LAMC2: variants seen among roughly 807,000 people sequenced by gnomAD.
LAMC2 encodes laminin subunit gamma 2.
LAMC2 carries 97 observed loss-of-function variants against 140.2 expected under a neutral mutation model. The observed-to-expected ratio is 0.69, with a 90% CI of 0.59 to 0.82. The LOEUF is 0.82. Among genes scored for constraint, LAMC2 ranks in the 40% least tolerant of loss-of-function variants. LAMC2 has a pLI of 0.00. For missense variants in LAMC2, 1,402 were observed against 1,476.1 expected (o/e 0.95, Z 0.82); for synonymous variants, 513 against 540.2 (o/e 0.95, Z 0.70).
the LAMC2 span, among the ~76,000 whole-genome samples, chr1:183,257,341 T>C: frequency 2.0e-5 from 3 of 152,012 alleles, no homozygotes; most frequent in African/African-American, 7.2e-5. Flanking sequence ...CTTGGGAGGC[T>C]GAGGCAGGAG....
At position 183,244,305 on chromosome 1, in the gene LAMC2, T is replaced by A. The variant is rs1310757718; in HGVS notation, c.*905T>A. The A allele has an allele frequency of 6.6e-6, 1 of 152,106 alleles. No individual in the cohort carries two copies. The highest frequency in any genetic ancestry group is 6.5e-5 in the Admixed American group (1 of 15,268). The allele number at this position is 152,106 out of a possible 1,614,324, so 9.4% of individuals were successfully genotyped here. A position where few individuals can be genotyped will look rare whatever the true frequency, so the allele number is the denominator to read the frequency against. The stretch of plus-strand genomic sequence containing the variant: ...AATGTATTTTATCTTATTTTCTCAA[T>A]CTCCTCTCTCTTTCCTCCACCCATA... On this transcript the variant is annotated 3_prime_UTR_variant, in exon 23 of 23. Coordinates refer to ENST00000264144, the MANE Select transcript of LAMC2 (RefSeq NM_005562.3).
intron 2 of LAMC2, among the ~76,000 whole-genome samples, chr1:183,208,766 G>C (rs1308393307): frequency 6.6e-6 from 1 of 152,016 alleles, no homozygotes; most frequent in Non-Finnish European, 1.5e-5. Context: ...TGCAACCTCC[G>C]CCTCCTAGGT....
At chr1:183,204,760 T>A (rs1053448771) in intron 1 of LAMC2, among the ~76,000 whole-genome samples, 2 of 152,172 alleles carry the variant, frequency 1.3e-5, no homozygotes, top group Admixed American at 6.5e-5. Flanking sequence ...AAAAGATTGC[T>A]CTGAATAAAT....
chr1:183,252,849 G>A, the LAMC2 span: 5 of 796,260 alleles, frequency 6.3e-6, no homozygotes, highest in Non-Finnish European at 8.6e-6. Context: ...CCTTTTCTCA[G>A]GTTGAGTAAA....
At chr1:183,251,520 T>G in the LAMC2 span, 1 of 152,458 alleles carries the variant, frequency 6.6e-6, no homozygotes, top group Non-Finnish European at 1.5e-5. Flanking sequence ...GTTTTGTTTT[T>G]TTATGACACG....
Position 183,196,384 on chromosome 1 carries a change from G to A in LAMC2, c.79+9953G>A, listed in dbSNP as rs930767989. On this transcript the variant is annotated intron_variant, in intron 1 of 22. Coordinates refer to ENST00000264144, the MANE Select transcript of LAMC2 (RefSeq NM_005562.3). Reference sequence around the variant, plus strand: ...ACTCCTGATCTGAAGTGATTCACCGGCCTCAGCCTCCCAAAGTGGTGGGAT... The same window carrying A: ...ACTCCTGATCTGAAGTGATTCACCGACCTCAGCCTCCCAAAGTGGTGGGAT... 1.4e-4 allele frequency among the ~76,000 whole-genome samples: 22 copies of A among 152,260 alleles called. No homozygotes were observed. In the East Asian group the frequency reaches 4.0e-3, roughly 28 times the overall value.
chr1:183,234,257 G>A (rs1034676001), intron 14 of LAMC2, 110 bp from the exon 15 acceptor site: 2 of 776,242 alleles, frequency 2.6e-6, no homozygotes, highest in African/African-American at 3.4e-5. Context: ...GTGGAACCCT[G>A]TGTGGCTAAT....
intron 2 of LAMC2, among the ~76,000 whole-genome samples, chr1:183,214,455 G>A (rs1245592112): frequency 6.6e-6 from 1 of 152,152 alleles, no homozygotes. Context: ...AGCAGCAAGT[G>A]CAAATACCTT....
intron 22 of LAMC2, chr1:183,241,108 T>TCCAC (rs1195408263): frequency 6.2e-6 from 1 of 161,488 alleles, no homozygotes; most frequent in African/African-American, 2.4e-5. Context: ...ATTAGCTGGA[T>TCCAC]GTGGTGGTGG....
chr1:183,225,585 G>C lies in LAMC2; in HGVS notation c.954-23G>C, dbSNP rs59321861. The stretch of plus-strand genomic sequence containing the variant: ...ATGTGGTAAGAATCGGATTTTTAAA[G>C]CTTTTGATTTTAAATTATGCAGGTT... On this transcript the variant is annotated intron_variant, in intron 7 of 22. Transcript: ENST00000264144. The C allele has an allele frequency of 2.2e-3, 3,344 of 1,516,302 alleles. 44 individuals are homozygous for C. The African/African-American group carries it at 0.028, about 13-fold the overall frequency. 93.9% of individuals were successfully genotyped at this position (1,516,302 alleles called of 1,614,324 possible).
At chr1:183,197,593 G>A (rs936284373) in intron 1 of LAMC2, among the ~76,000 whole-genome samples, 4 of 151,822 alleles carry the variant, frequency 2.6e-5, no homozygotes, top group Admixed American at 6.6e-5. Context: ...GGAGAATGGC[G>A]TGAACCTGGG....
chr1:183,220,766 T>G, intron 4 of LAMC2, 59 bp from the exon 5 acceptor site: 1 of 1,536,744 alleles, frequency 6.5e-7, no homozygotes. Context: ...ATTCATCATA[T>G]TTTTTCTATA....
At chr1:183,257,365 C>T in the LAMC2 span, among the ~76,000 whole-genome samples, 148 of 152,084 alleles carry the variant, frequency 9.7e-4, 2 homozygotes, top group South Asian at 8.7e-3. Context: ...CACTTGAACC[C>T]GGGACGCGGA....
intron 1 of LAMC2, among the ~76,000 whole-genome samples, chr1:183,200,907 G>T (rs1658686342): frequency 6.6e-6 from 1 of 152,198 alleles, no homozygotes; most frequent in Admixed American, 6.5e-5. Context: ...ATGCTTCAGT[G>T]CCAGAGAAGT....
chr1:183,225,468 G>A, intron 7 of LAMC2, 140 bp from the exon 8 acceptor site: 1 of 691,978 alleles, frequency 1.4e-6, no homozygotes, highest in Non-Finnish European at 2.6e-6. Context: ...CCTATGAAAA[G>A]GTGGCTCTCA....
chr1:183,240,515 G>T, intron 22 of LAMC2, 124 bp downstream of exon 22: 7 of 1,480,860 alleles, frequency 4.7e-6, no homozygotes, highest in Non-Finnish European at 2.7e-6. Context: ...CAGTAAATGT[G>T]CTTTGTTTCC....
chr1:183,188,118 C>G (rs1210693716), intron 1 of LAMC2, among the ~76,000 whole-genome samples: 3 of 152,184 alleles, frequency 2.0e-5, no homozygotes, highest in Non-Finnish European at 2.9e-5. Flanking sequence ...TCTGGGCATC[C>G]ATCTACCCCA....
At chr1:183,249,682 CGTGTGTGTGTGTGTGTGTGTGT>C (rs3841433), downstream of LAMC2, 4 of 119,512 alleles carry the variant, frequency 3.3e-5, no homozygotes, top group Non-Finnish European at 5.2e-5. Context: ...AAGAGTAGGG[CGTGTGTGTGTGTGTGTGTGTGT>C]GTGTGTGTGT....
chr1:183,252,811 C>T, the LAMC2 span: 1 of 1,114,684 alleles, frequency 9.0e-7, no homozygotes, highest in South Asian at 1.2e-5. Context: ...ACTGGCATGC[C>T]CCTGTCTCCC....
Sources: gnomAD v4.1 joint callset for allele counts (sites outside exome capture counted in the v4.1 genomes callset) on GRCh38, gnomAD v4.1.1 for gene constraint, MANE v1.5 for transcripts, NCBI Gene and HGNC (gene_info 2026-07-23, HGNC 2026-07-21) for gene names.